The following PCDHA4 variants were observed in gnomAD, a reference collection of about 807,000 sequenced individuals.
PCDHA4 encodes the protein protocadherin alpha 4.
A neutral mutation model predicts 61.4 loss-of-function variants in PCDHA4; 49 were observed. The observed-to-expected ratio is 0.80, with a 90% CI of 0.63 to 1.01. The LOEUF (loss-of-function observed/expected upper bound fraction) is 1.01, where lower values mean the gene tolerates loss of function less well. Ranked by LOEUF, PCDHA4 falls within the 50% of genes least tolerant of loss-of-function variation. The probability of loss-of-function intolerance (pLI) is 0.00; values close to 1 mark genes in which losing one functional copy is unlikely to be tolerated. For synonymous variants in PCDHA4, 590 were observed against 550.3 expected (o/e 1.07, Z -1.01); for missense variants, 1,254 against 1,235.8 (o/e 1.01, Z -0.22).
rs782134920 is a variant in PCDHA4, at chr5:140,869,400, C to A, written c.2385+59828C>A. ...ACCGCGAGGAGCTGTGCGGGCAGAG[C>A]GCGGAGTGCAGCATCCACCTGGAGG... On this transcript the variant is annotated intron_variant, in intron 1 of 3. Coordinates refer to ENST00000530339, the MANE Select transcript of PCDHA4 (RefSeq NM_018907.4). The A allele has an allele frequency of 5.2e-5, 84 of 1,614,026 alleles. 2 individuals carry two copies. The Admixed American group carries it at 7.2e-4, about 14-fold the overall frequency.
intron 1 of PCDHA4, chr5:140,857,033 A>C: frequency 1.3e-6 from 2 of 1,595,572 alleles, no homozygotes; most frequent in Non-Finnish European, 8.6e-7. Flanking sequence ...AAACCCACCT[A>C]TGGTTGGTCA....
rs190126464 is a variant in PCDHA4 at position 140,851,666 on chromosome 5, T to C, written c.2385+42094T>C. On this transcript the variant is annotated intron_variant, in intron 1 of 3. Coordinates refer to ENST00000530339, the MANE Select transcript of PCDHA4 (RefSeq NM_018907.4). The stretch of plus-strand genomic sequence containing the variant: ...CTTCAAGAAGACATTCTCCTTTTAA[T>C]TGAAATTTTCTCCATTCAGTGATAA... 22 of 916,122 alleles carry C rather than the reference T, an allele frequency of 2.4e-5. 1 individual carries two copies. The East Asian group carries it at 1.7e-3, about 72-fold the overall frequency. 56.7% of individuals were successfully genotyped at this position (916,122 alleles called of 1,614,324 possible).
chr5:140,950,952 A>G (rs1554219699), intron 1 of PCDHA4, among the ~76,000 whole-genome samples: 2 of 151,782 alleles, frequency 1.3e-5, no homozygotes, highest in Admixed American at 1.3e-4. Context: ...GATCATTTCT[A>G]TTGATCTATT....
intron 1 of PCDHA4, among the ~76,000 whole-genome samples, chr5:140,964,886 T>C (rs529789945): frequency 6.6e-6 from 1 of 152,306 alleles, no homozygotes; most frequent in South Asian, 2.1e-4. Context: ...GCAGCAGTGA[T>C]AGGAGGCTGG....
intron 3 of PCDHA4, among the ~76,000 whole-genome samples, chr5:140,985,651 T>A (rs1413086230): frequency 6.6e-6 from 1 of 151,992 alleles, no homozygotes; most frequent in Non-Finnish European, 1.5e-5. Context: ...ACACTTGCAA[T>A]GGCTGAATAA....
At chr5:140,991,648 A>G (rs2097463830) in intron 3 of PCDHA4, among the ~76,000 whole-genome samples, 1 of 152,192 alleles carries the variant, frequency 6.6e-6, no homozygotes, top group Non-Finnish European at 1.5e-5. Context: ...GTTCATGACA[A>G]TTTAGGTTTG....
intron 1 of PCDHA4, chr5:140,877,800 T>C (rs2057344527): frequency 6.2e-7 from 1 of 1,613,404 alleles, no homozygotes; most frequent in Non-Finnish European, 8.5e-7. Context: ...GCCCAAGCCT[T>C]CAGCTGTCTC....
chr5:140,846,373 CTTT>C (rs374699051), intron 1 of PCDHA4, among the ~76,000 whole-genome samples: 4 of 55,148 alleles, frequency 7.3e-5, no homozygotes, highest in Middle Eastern at 0.012. Flanking sequence ...TTCTTTCTTT[CTTT>C]TTTTTTTTTT....
chr5:140,961,770 A>C, intron 1 of PCDHA4, among the ~76,000 whole-genome samples: 1 of 152,206 alleles, frequency 6.6e-6, no homozygotes, highest in East Asian at 1.9e-4. Flanking sequence ...ATTTATATCA[A>C]GCTTAATGGC....
rs557640687 is a variant in PCDHA4 at position 140,964,686 on chromosome 5, C to T, written c.2386-14263C>T. 7.2e-5 allele frequency among the ~76,000 whole-genome samples: 11 copies of T among 151,874 alleles called. No individual in the cohort carries two copies. In the East Asian group the frequency reaches 2.1e-3, roughly 29 times the overall value. On this transcript the variant is annotated intron_variant, in intron 1 of 3. Coordinates refer to ENST00000530339, the MANE Select transcript of PCDHA4 (RefSeq NM_018907.4). ...ACAGGCCAGGTCCACAATTTGTGCA[C>T]TTGAGAGATTAAGGCCTCCGAGATC...
At chr5:140,908,578 GTAGT>G (rs1554193408) in intron 1 of PCDHA4, among the ~76,000 whole-genome samples, 1 of 152,196 alleles carries the variant, frequency 6.6e-6, no homozygotes, top group African/African-American at 2.4e-5. Flanking sequence ...CAAAAGGAGA[GTAGT>G]TAGCTGCAGA....
intron 3 of PCDHA4, among the ~76,000 whole-genome samples, chr5:141,003,829 A>G (rs1220753607): frequency 1.3e-5 from 2 of 152,184 alleles, no homozygotes; most frequent in Admixed American, 6.5e-5. Flanking sequence ...GGCTCTGCCT[A>G]ACGATTCAGA....
chr5:140,869,243 G>A (rs1554162716), intron 1 of PCDHA4: 10 of 1,613,544 alleles, frequency 6.2e-6, no homozygotes, highest in African/African-American at 2.7e-5. Flanking sequence ...TTCGTGGGCC[G>A]CATCGCGCAG....
chr5:140,837,576 CA>C (rs1310142916), intron 1 of PCDHA4, among the ~76,000 whole-genome samples: 1 of 151,836 alleles, frequency 6.6e-6, no homozygotes, highest in Non-Finnish European at 1.5e-5. Context: ...TTACAATCAC[CA>C]AATTGTAAAT....
intron 1 of PCDHA4, among the ~76,000 whole-genome samples, chr5:140,926,128 C>CGCAGCAGGATCCAGCGCGGAAAGCTCT (rs1157627097): frequency 6.6e-6 from 1 of 152,162 alleles, no homozygotes; most frequent in Non-Finnish European, 1.5e-5. Context: ...GACTTCAACC[C>CGCAGCAGGATCCAGCGCGGAAAGCTCT]GCAGCAGGAT....
At chr5:140,874,386 G>A (rs2054873500) in intron 1 of PCDHA4, among the ~76,000 whole-genome samples, 1 of 152,082 alleles carries the variant, frequency 6.6e-6, no homozygotes. Context: ...GTCTTTTGAT[G>A]CCCCCTTGCA....
At chr5:140,818,584 C>A (rs1453771164) in intron 1 of PCDHA4, among the ~76,000 whole-genome samples, 1 of 152,164 alleles carries the variant, frequency 6.6e-6, no homozygotes, top group African/African-American at 2.4e-5. Context: ...TGCCTATAAT[C>A]CCAACACCTG....
intron 1 of PCDHA4, chr5:140,817,435 G>C (rs1554127267): frequency 6.6e-6 from 1 of 152,150 alleles, no homozygotes; most frequent in East Asian, 1.9e-4. Flanking sequence ...GGAGGGTCTG[G>C]GGATTCCTAT....
intron 1 of PCDHA4, chr5:140,929,725 A>G (rs1415397730): frequency 9.2e-6 from 2 of 218,138 alleles, no homozygotes; most frequent in Admixed American, 1.2e-4. Flanking sequence ...TGAAACATTT[A>G]CTTAAACTAT....
Sources: allele counts gnomAD v4.1 joint callset (sites outside exome capture counted in the v4.1 genomes callset), GRCh38; gene constraint gnomAD v4.1.1; transcripts MANE v1.5; gene names NCBI Gene and HGNC (gene_info 2026-07-23, HGNC 2026-07-21).